Variants in YAP1 observed in about 807,000 individuals in gnomAD.
The protein encoded by YAP1 is transcriptional coactivator YAP1.
YAP1 carries 5 observed loss-of-function variants against 56.9 expected under a neutral mutation model. That is an observed-to-expected ratio of 0.09 (90% CI 0.05 to 0.18). The LOEUF (loss-of-function observed/expected upper bound fraction) is 0.18. Ranked by LOEUF, YAP1 falls within the 10% of genes least tolerant of loss-of-function variation. YAP1 has a pLI of 1.00. For missense variants in YAP1, 539 were observed against 651.8 expected (o/e 0.83, Z 1.88); for synonymous variants, 265 against 248.1 (o/e 1.07, Z -0.64).
intron 2 of YAP1, among the ~76,000 whole-genome samples, chr11:102,160,583 T>C (rs945577245): frequency 1.3e-5 from 2 of 152,214 alleles, no homozygotes; most frequent in Non-Finnish European, 2.9e-5. Flanking sequence ...AGTAGCAAAC[T>C]TATCATTTTA....
At position 102,191,907 on chromosome 11, in the gene YAP1, C is replaced by G. The variant is rs569531878; in HGVS notation, c.802+5776C>G. ...AGGCTGGTCTCAAACCCCTGGGGCT[C>G]AAGCAGTCTACCTGCCTCTACCTCC... On this transcript the variant is annotated intron_variant, in intron 4 of 8. Coordinates refer to ENST00000282441, the MANE Select transcript of YAP1 (RefSeq NM_001130145.3). 1.7e-3 allele frequency among the ~76,000 whole-genome samples: 261 copies of G among 152,232 alleles called. 1 individual carries two copies. The highest frequency in any genetic ancestry group is 2.5e-3 in the Non-Finnish European group (170 of 68,006).
At chr11:102,158,271 C>T (rs1946064867) in intron 2 of YAP1, among the ~76,000 whole-genome samples, 1 of 152,110 alleles carries the variant, frequency 6.6e-6, no homozygotes, top group Admixed American at 6.5e-5. Flanking sequence ...AGATTTTAAC[C>T]AAGATGGAAT....
intron 3 of YAP1, among the ~76,000 whole-genome samples, chr11:102,174,723 G>T (rs116784726): frequency 6.6e-6 from 1 of 152,152 alleles, no homozygotes. Flanking sequence ...TTTGGTGGCA[G>T]TGCTAAGTCC....
At chr11:102,144,937 CCTT>C (rs1168593557) in intron 2 of YAP1, among the ~76,000 whole-genome samples, 7 of 152,174 alleles carry the variant, frequency 4.6e-5, no homozygotes, top group South Asian at 2.1e-4. Context: ...CTCTCTCTCT[CCTT>C]CTCCTTCCCT....
intron 2 of YAP1, among the ~76,000 whole-genome samples, chr11:102,118,257 A>G (rs577166016): frequency 2.6e-5 from 4 of 152,282 alleles, no homozygotes; most frequent in African/African-American, 9.6e-5. Flanking sequence ...AACTGGCCAC[A>G]ATGTTTTTAG....
At position 102,114,064 on chromosome 11, in the gene YAP1, T is replaced by G; in HGVS notation, c.322-80T>G. On this transcript the variant is annotated intron_variant, in intron 1 of 8. Transcript: ENST00000282441. ...TTGGTACTTAGATATTCGGCTGCAA[T>G]TAAGCGCTGACTGGGAAATTTAAAG... The G allele has an allele frequency of 4.1e-6, 6 of 1,455,932 alleles. No individual in the cohort carries two copies. In the South Asian group the frequency reaches 7.6e-5, roughly 19 times the overall value. The allele number at this position is 1,455,932 out of a possible 1,614,324, so 90.2% of individuals were successfully genotyped here.
chr11:102,216,001 C>T (rs928090401), intron 6 of YAP1, among the ~76,000 whole-genome samples: 4 of 152,182 alleles, frequency 2.6e-5, no homozygotes, highest in East Asian at 1.9e-4. Flanking sequence ...CCCATACAAG[C>T]GCGCGTGCTA....
At chr11:102,208,585 TAGA>T (rs1168441226) in intron 5 of YAP1, among the ~76,000 whole-genome samples, 2 of 152,162 alleles carry the variant, frequency 1.3e-5, no homozygotes, top group African/African-American at 4.8e-5. Context: ...CTACTATTGT[TAGA>T]ACACCTTAGA....
At chr11:102,125,889 C>T (rs1444201468) in intron 2 of YAP1, among the ~76,000 whole-genome samples, 1 of 152,062 alleles carries the variant, frequency 6.6e-6, no homozygotes, top group Non-Finnish European at 1.5e-5. Flanking sequence ...CCGGAAGTTG[C>T]AGGGACCCCT....
At chr11:102,151,892 A>T (rs145896144) in intron 2 of YAP1, among the ~76,000 whole-genome samples, 22 of 152,198 alleles carry the variant, frequency 1.4e-4, no homozygotes, top group African/African-American at 4.8e-4. Context: ...TTATGTACAG[A>T]GTGAGGGAGG....
chr11:102,146,635 C>G (rs537210130), intron 2 of YAP1, among the ~76,000 whole-genome samples: 1 of 152,290 alleles, frequency 6.6e-6, no homozygotes, highest in African/African-American at 2.4e-5. Context: ...TTACTTTACT[C>G]ATTTTTATTC....
In YAP1 at chr11:102,118,752, A is replaced by G. The variant is rs76271566; in HGVS notation, c.572+4358A>G. Among the ~76,000 whole-genome samples the G allele has an allele frequency of 2.0e-3, 291 of 149,066 alleles. 1 individual carries two copies. The highest frequency in any genetic ancestry group is 3.4e-3 in the Non-Finnish European group (229 of 66,946). ...GGCGACAGAGCCAGACTCTATCTCA[A>G]AAAAAAAAAAGACTATGAACATATA... On this transcript the variant is annotated intron_variant, in intron 2 of 8. Coordinates refer to ENST00000282441, the MANE Select transcript of YAP1 (RefSeq NM_001130145.3).
chr11:102,221,137 A>G (rs562409899), intron 6 of YAP1, among the ~76,000 whole-genome samples: 1 of 152,364 alleles, frequency 6.6e-6, no homozygotes, highest in South Asian at 2.1e-4. Flanking sequence ...GTTAAGAGGC[A>G]TGGAGAATAC....
Position 102,110,671 on chromosome 11 carries a change from A to G in YAP1, c.-178A>G. The stretch of plus-strand genomic sequence containing the variant: ...GAGCCGGGGCGCAGGGCGGGGGCGG[A>G]GGCGCCGGGGCGGGGGATGCGGGGC... On this transcript the variant is annotated 5_prime_UTR_variant, in exon 1 of 9. Transcript: ENST00000282441. 1 of 397,828 alleles carries G rather than the reference A, an allele frequency of 2.5e-6. No individual in the cohort carries two copies. The highest frequency in any genetic ancestry group is 3.8e-6 in the Non-Finnish European group (1 of 264,644). 24.6% of individuals were successfully genotyped at this position (397,828 alleles called of 1,614,324 possible). A position where few individuals can be genotyped will look rare whatever the true frequency, so the allele number is the denominator to read the frequency against.
At chr11:102,116,432 CTA>C (rs1362530186) in intron 2 of YAP1, among the ~76,000 whole-genome samples, 2 of 152,130 alleles carry the variant, frequency 1.3e-5, no homozygotes, top group Non-Finnish European at 2.9e-5. Flanking sequence ...TAAGGAATGA[CTA>C]TTCATTTTTC....
In YAP1 at chr11:102,186,140, T is replaced by G; in HGVS notation, c.802+9T>G. On this transcript the variant is annotated intron_variant, in intron 4 of 8. Coordinates refer to ENST00000282441, the MANE Select transcript of YAP1 (RefSeq NM_001130145.3). ...GCTTGACCCTCGTTTTGGTAAAGGT[T>G]CATCTCAAAACCTTTTTAGATGCTT... 1 of 1,609,912 alleles carries G rather than the reference T, an allele frequency of 6.2e-7. No homozygotes were observed. Among genetic ancestry groups the G allele is most frequent in the Non-Finnish European group, 8.5e-7 (1 of 1,178,448 alleles).
At chr11:102,137,829 A>G (rs529629618) in intron 2 of YAP1, among the ~76,000 whole-genome samples, 199 of 151,928 alleles carry the variant, frequency 1.3e-3, no homozygotes, top group Non-Finnish European at 2.5e-3. Context: ...AGTGTTTACA[A>G]CACAGCTTAT....
chr11:102,137,609 TC>T (rs1454821202), intron 2 of YAP1, among the ~76,000 whole-genome samples: 1 of 152,218 alleles, frequency 6.6e-6, no homozygotes, highest in African/African-American at 2.4e-5. Context: ...TTGCTGCCTC[TC>T]CCTGCTCCAT....
rs140546191 is a variant in YAP1, at chr11:102,183,702, C to CTGTGTGTGTGTGTGTGTGTGTGTG, written c.689-2302_689-2279dup. 1.7e-3 allele frequency among the ~76,000 whole-genome samples: 236 copies of CTGTGTGTGTGTGTGTGTGTGTGTG among 141,794 alleles called. 1 individual carries two copies. Among genetic ancestry groups the CTGTGTGTGTGTGTGTGTGTGTGTG allele is most frequent in the African/African-American group, 5.2e-3 (195 of 37,692 alleles). The allele number at this position is 141,794 out of a possible 152,430, so 93.0% of individuals were successfully genotyped here. ...GCTAAGGTGGGGAATAATGCTGTTT[C>CTGTGTGTGTGTGTGTGTGTGTGTG]TGTGTGTGTGTGTGTGTGTGTGTGT... On this transcript the variant is annotated intron_variant, in intron 3 of 8. Coordinates refer to ENST00000282441, the MANE Select transcript of YAP1 (RefSeq NM_001130145.3).
Sources: gnomAD v4.1 joint callset for allele counts (sites outside exome capture counted in the v4.1 genomes callset) on GRCh38, gnomAD v4.1.1 for gene constraint, MANE v1.5 for transcripts, NCBI Gene and HGNC (gene_info 2026-07-23, HGNC 2026-07-21) for gene names.